The following MLKL variants were observed in gnomAD, a reference collection of about 807,000 sequenced individuals.
The protein encoded by MLKL is mixed lineage kinase domain-like protein.
A neutral mutation model predicts 56.5 loss-of-function variants in MLKL; 55 were observed. The observed-to-expected ratio is 0.97, with a 90% CI of 0.78 to 1.22. The LOEUF (loss-of-function observed/expected upper bound fraction) is 1.22, where lower values mean the gene tolerates loss of function less well. Ranked by LOEUF, MLKL falls within the 50% of genes most tolerant of loss-of-function variation. MLKL has a pLI of 0.00. For synonymous variants in MLKL, 251 were observed against 208.3 expected (o/e 1.20, Z -1.76); for missense variants, 694 against 573.9 (o/e 1.21, Z -2.14).
intron 5 of MLKL, among the ~76,000 whole-genome samples, chr16:74,683,894 C>T (rs998733943): frequency 9.2e-5 from 14 of 152,242 alleles, no homozygotes; most frequent in African/African-American, 3.4e-4. Context: ...CTGAGCCAGG[C>T]ACCTCAGCGG....
intron 7 of MLKL, chr16:74,677,816 C>G (rs1328384206): frequency 1.3e-5 from 2 of 152,406 alleles, no homozygotes; most frequent in Non-Finnish European, 2.9e-5. Context: ...GGAGCTGGGA[C>G]TAGAGGCGTG....
At chr16:74,692,260 G>T in intron 3 of MLKL, 82 bp downstream of exon 3, 1 of 1,235,464 alleles carries the variant, frequency 8.1e-7, no homozygotes, top group Non-Finnish European at 1.2e-6. Context: ...AAATGCAGGG[G>T]TAGCGGGAGG....
chr16:74,697,121 TAGG>T (rs1448085775), intron 1 of MLKL, among the ~76,000 whole-genome samples: 1 of 151,490 alleles, frequency 6.6e-6, no homozygotes, highest in Admixed American at 6.6e-5. Flanking sequence ...GAAGTTGAGA[TAGG>T]AGGATTCCTT....
chr16:74,699,898 T>C (rs1961276309), intron 1 of MLKL, among the ~76,000 whole-genome samples: 1 of 151,982 alleles, frequency 6.6e-6, no homozygotes, highest in South Asian at 2.1e-4. Context: ...GCTATGATTG[T>C]GCCACTGCGC....
In MLKL at chr16:74,692,341, C is replaced by T; in HGVS notation, c.535+1G>A. 6.2e-7 allele frequency: 1 copy of T among 1,613,142 alleles called. No homozygotes were observed. Among genetic ancestry groups the T allele is most frequent in the Non-Finnish European group, 8.5e-7 (1 of 1,179,586 alleles). On this transcript the variant is annotated splice_donor_variant, in intron 3 of 10. Transcript: ENST00000308807. LOFTEE classifies it high-confidence loss of function. ...AAACAGCAGGGCACATGATAACTTA[C>T]ACTGCCTCAAAGTTTCCTTGATTTC...
intron 10 of MLKL, 64 bp from the exon 11 acceptor site, chr16:74,672,602 A>G: frequency 1.4e-6 from 2 of 1,460,696 alleles, no homozygotes; most frequent in East Asian, 2.3e-5. Flanking sequence ...TAGAAACACA[A>G]AGACATTTCT....
chr16:74,695,810 C>T, intron 1 of MLKL, 51 bp from the exon 2 acceptor site: 5 of 1,458,090 alleles, frequency 3.4e-6, no homozygotes, highest in Non-Finnish European at 3.7e-6. Flanking sequence ...CCTGCATATT[C>T]ACTACTTGGC....
At position 74,699,042 on chromosome 16, in the gene MLKL, G is replaced by C. The variant is rs371736778; in HGVS notation, c.-3+1411C>G. Among the ~76,000 whole-genome samples, 813 of 150,742 alleles carry C rather than the reference G, an allele frequency of 5.4e-3. 1 individual carries two copies. The highest frequency in any genetic ancestry group is 0.01 in the Middle Eastern group (3 of 294). ...GCAGGAGAATTGCTTGAACCCGGGA[G>C]GTGGAGGTTGCACTGAGCCGAGATC... On this transcript the variant is annotated intron_variant, in intron 1 of 10. Transcript: ENST00000308807.
In MLKL at chr16:74,673,270, T is replaced by C. The variant is rs1025850796; in HGVS notation, c.1382-732A>G. Reference sequence around the variant, plus strand: ...TCTTGCTCTGTCACCCAGGCTGGAGTACAGTGGCGCGATCTTGGCTCACTG... The same window carrying C: ...TCTTGCTCTGTCACCCAGGCTGGAGCACAGTGGCGCGATCTTGGCTCACTG... On this transcript the variant is annotated intron_variant, in intron 10 of 10. Coordinates refer to ENST00000308807, the MANE Select transcript of MLKL (RefSeq NM_152649.4). Among the ~76,000 whole-genome samples the C allele has an allele frequency of 2.0e-4, 30 of 152,206 alleles. 1 individual carries two copies. Among genetic ancestry groups the C allele is most frequent in the African/African-American group, 7.2e-4 (30 of 41,518 alleles).
At chr16:74,676,561 A>G (rs1169423844) in intron 7 of MLKL, 1 of 777,296 alleles carries the variant, frequency 1.3e-6, no homozygotes, top group African/African-American at 1.9e-5. Flanking sequence ...GATACCAGGG[A>G]TGAAAGGTGG....
At chr16:74,677,626 G>C (rs1401047963) in intron 7 of MLKL, 2 of 152,198 alleles carry the variant, frequency 1.3e-5, no homozygotes, top group African/African-American at 4.8e-5. Context: ...AAAGTGCGGG[G>C]ATTACAGGCA....
intron 10 of MLKL, among the ~76,000 whole-genome samples, chr16:74,672,994 G>A (rs1959329220): frequency 6.6e-6 from 1 of 152,180 alleles, no homozygotes; most frequent in Non-Finnish European, 1.5e-5. Context: ...CAGAAACTAT[G>A]CCGTGACTTT....
At chr16:74,690,097 A>G (rs1960576080) in intron 4 of MLKL, among the ~76,000 whole-genome samples, 1 of 152,256 alleles carries the variant, frequency 6.6e-6, no homozygotes, top group Non-Finnish European at 1.5e-5. Flanking sequence ...GTGATGGAAA[A>G]AAGGGCAGAG....
rs777551407 is a variant in MLKL, at chr16:74,675,612, C to T, written c.1190+1G>A. On this transcript the variant is annotated splice_donor_variant, in intron 8 of 10. Transcript: ENST00000308807. LOFTEE classifies it high-confidence loss of function. ...GAATCTGTACCAGAACGTGAGTGTA[C>T]CTGTATATTTCAGACTTTACATCAT... is the stretch of plus-strand genomic sequence containing the variant. The T allele has an allele frequency of 6.2e-7, 1 of 1,612,396 alleles. No homozygotes were observed. Among genetic ancestry groups the T allele is most frequent in the Admixed American group, 1.7e-5 (1 of 59,934 alleles).
Position 74,672,351 on chromosome 16 carries a change from G to A in MLKL, c.*153C>T, listed in dbSNP as rs1204156639. 10 of 686,596 alleles carry A rather than the reference G, an allele frequency of 1.5e-5. No homozygotes were observed. Among genetic ancestry groups the A allele is most frequent in the Non-Finnish European group, 2.3e-5 (9 of 385,270 alleles). 42.5% of individuals were successfully genotyped at this position (686,596 alleles called of 1,614,324 possible). ...ATTTGGAGTGGGATGTGTCCTGTATGACTGGAATCGTTTTCTATTTGTAAC... is the reference window on the plus strand; with the variant it reads ...ATTTGGAGTGGGATGTGTCCTGTATAACTGGAATCGTTTTCTATTTGTAAC... On this transcript the variant is annotated 3_prime_UTR_variant, in exon 11 of 11. Coordinates refer to ENST00000308807, the MANE Select transcript of MLKL (RefSeq NM_152649.4).
chr16:74,673,261 A>G (rs1959343114), intron 10 of MLKL, among the ~76,000 whole-genome samples: 1 of 152,104 alleles, frequency 6.6e-6, no homozygotes, highest in African/African-American at 2.4e-5. Context: ...TCTGTCACCC[A>G]GGCTGGAGTA....
chr16:74,693,248 A>C (rs1001007748), intron 2 of MLKL, among the ~76,000 whole-genome samples: 7 of 151,990 alleles, frequency 4.6e-5, no homozygotes, highest in African/African-American at 9.7e-5. Context: ...TGAGGTCAGG[A>C]GTTTGAGACC....
At chr16:74,699,107 C>G (rs1009627641) in intron 1 of MLKL, among the ~76,000 whole-genome samples, 1 of 151,386 alleles carries the variant, frequency 6.6e-6, no homozygotes. Flanking sequence ...AGCAAAACTC[C>G]GTCTCAAAAA....
chr16:74,696,014 T>C (rs928688605), intron 1 of MLKL, among the ~76,000 whole-genome samples: 2 of 152,218 alleles, frequency 1.3e-5, no homozygotes, highest in African/African-American at 4.8e-5. Flanking sequence ...TGTGGCCATG[T>C]GACTAGTTCT....
Sources: allele counts gnomAD v4.1 joint callset (sites outside exome capture counted in the v4.1 genomes callset), GRCh38; gene constraint gnomAD v4.1.1; transcripts MANE v1.5; gene names NCBI Gene and HGNC (gene_info 2026-07-23, HGNC 2026-07-21).